Variants in ZNF775 observed in about 807,000 individuals in gnomAD.
ZNF775 encodes the protein zinc finger protein 775.
A neutral mutation model predicts 2.4 loss-of-function variants in ZNF775; 1 was observed. That is an observed-to-expected ratio of 0.41 (90% confidence interval 0.15 to 1.94). ZNF775 has a LOEUF of 1.94. Ranked by LOEUF, ZNF775 falls within the 30% of genes most tolerant of loss-of-function variation. The pLI is 0.30. For synonymous variants in ZNF775, 381 were observed against 373.3 expected, an observed-to-expected ratio of 1.02 and a Z score of -0.24; for missense variants, 823 against 826.6, an observed-to-expected ratio of 1.00 and a Z score of 0.05.
At chr7:150,386,561 C>G (rs1355178580) in intron 1 of ZNF775, among the ~76,000 whole-genome samples, 1 of 152,060 alleles carries the variant, frequency 6.6e-6, no homozygotes, top group East Asian at 1.9e-4. Context: ...GGCTCTCGGG[C>G]CCTGGGGTGG....
In ZNF775 at chr7:150,382,909, C is replaced by T. The variant is rs1269335806; in HGVS notation, c.-50+3517C>T. On this transcript the variant is annotated intron_variant, in intron 1 of 2. Transcript: ENST00000329630. The surrounding 1 kb of genome is among the most constrained non-coding windows in gnomAD (Gnocchi z 4.6). ...GGATGGCCATGGGTGTACAAGGATA[C>T]TTGTGTCATGGGTGGCTTTGCAGTT... 6.6e-6 allele frequency: 1 copy of T among 152,470 alleles called. No individual in the cohort carries two copies. Among genetic ancestry groups the T allele is most frequent in the East Asian group, 1.9e-4 (1 of 5,200 alleles). 9.4% of individuals were successfully genotyped at this position (152,470 alleles called of 1,614,324 possible).
rs1585082712 is a variant in ZNF775 at position 150,381,784 on chromosome 7, C to T, written c.-50+2392C>T. On this transcript the variant is annotated intron_variant, in intron 1 of 2. Transcript: ENST00000329630. ...GACAGTGGCCCGCCCTTTCCCTTGG[C>T]TCCCCTCCTCTGTTCCCTCCCCAGA... Among the ~76,000 whole-genome samples the T allele has an allele frequency of 3.3e-5, 5 of 152,248 alleles. 1 individual carries two copies. In the South Asian group the frequency reaches 1.0e-3, roughly 32 times the overall value.
chr7:150,397,984 C>T lies in ZNF775; in HGVS notation c.1503C>T (p.Pro501=). ...RHRRNHTGER[P]YLCPACGRGF... is the part of the protein sequence containing the mutation. The stretch of plus-strand genomic sequence containing the variant: ...GGCGCAACCACACAGGCGAGCGGCC[C>T]TACCTGTGTCCCGCCTGCGGCCGCG... The change falls in exon 3 of 3, where the codon CCC becomes CCT. Residue 501 remains proline (P), a synonymous_variant. Coordinates refer to ENST00000329630, the MANE Select transcript of ZNF775 (RefSeq NM_173680.4). 2 of 1,596,662 alleles carry T rather than the reference C, an allele frequency of 1.3e-6. No individual in the cohort carries two copies. Among genetic ancestry groups the T allele is most frequent in the East Asian group, 4.5e-5 (2 of 44,540 alleles).
chr7:150,397,253 G>A lies in ZNF775; in HGVS notation c.772G>A (p.Gly258Ser), dbSNP rs1302288974. 7.5e-7 allele frequency: 1 copy of A among 1,337,254 alleles called. No individual in the cohort carries two copies. Among genetic ancestry groups the A allele is most frequent in the Non-Finnish European group, 9.6e-7 (1 of 1,043,590 alleles). 82.8% of individuals were successfully genotyped at this position (1,337,254 alleles called of 1,614,324 possible). A position where few individuals can be genotyped will look rare whatever the true frequency, so the allele number is the denominator to read the frequency against. ...GTGGGCCTGGCTGGGGCTCTGCCAG[G>A]GCTGGTGGGGCCAGCCCGGGGCCCG... is the stretch of plus-strand genomic sequence containing the variant. Reference protein sequence around the residue: ...PEWAWLGLCQGWWGQPGARAA... With the variant: ...PEWAWLGLCQSWWGQPGARAA... Residue 258 changes from glycine to serine, a missense_variant, in exon 3 of 3, where the codon GGC becomes AGC. Coordinates refer to ENST00000329630, the MANE Select transcript of ZNF775 (RefSeq NM_173680.4).
intron 1 of ZNF775, among the ~76,000 whole-genome samples, chr7:150,381,016 A>G (rs1284184713): frequency 1.3e-5 from 2 of 152,144 alleles, no homozygotes; most frequent in Admixed American, 1.3e-4. Flanking sequence ...AAACGTGTTT[A>G]TTAATTAAAA....
In ZNF775 at chr7:150,398,340, C is replaced by A; in HGVS notation, c.*245C>A. 1 of 616,062 alleles carries A rather than the reference C, an allele frequency of 1.6e-6. No individual in the cohort carries two copies. 38.2% of individuals were successfully genotyped at this position (616,062 alleles called of 1,614,324 possible). ...TCACCGCGGGCCGGGATGTGACCAC[C>A]CTCTTCAGAGGTTGGACCCCAGGCT... is the stretch of plus-strand genomic sequence containing the variant. On this transcript the variant is annotated 3_prime_UTR_variant, in exon 3 of 3. Transcript: ENST00000329630.
At chr7:150,392,841 T>C (rs1800582698) in intron 2 of ZNF775, among the ~76,000 whole-genome samples, 1 of 152,226 alleles carries the variant, frequency 6.6e-6, no homozygotes, top group South Asian at 2.1e-4. Flanking sequence ...ACCTAGACTT[T>C]ATCTTTTAGA....
intron 2 of ZNF775, among the ~76,000 whole-genome samples, chr7:150,390,952 C>T (rs190950877): frequency 3.4e-3 from 512 of 152,310 alleles, no homozygotes; most frequent in Middle Eastern, 0.01. Context: ...GTAGTGTCCA[C>T]GCATATTGTA....
chr7:150,389,659 T>C lies in ZNF775; in HGVS notation c.31+1158T>C, dbSNP rs145661972. On this transcript the variant is annotated intron_variant, in intron 2 of 2. Transcript: ENST00000329630. ...TGATGTGAGCTGTGGTCTGCTGGGG[T>C]CCTCTCTCCTCTCTACGGCAGCTTC... Among the ~76,000 whole-genome samples, 595 of 152,244 alleles carry C rather than the reference T, an allele frequency of 3.9e-3. 5 individuals are homozygous for C. Among genetic ancestry groups the C allele is most frequent in the African/African-American group, 0.013 (560 of 41,530 alleles).
In ZNF775 at chr7:150,388,360, ACCCTGAGTTTTGTCCTTGT is replaced by A; in HGVS notation, c.-49-58_-49-40del. 4 of 1,320,390 alleles carry A rather than the reference ACCCTGAGTTTTGTCCTTGT, an allele frequency of 3.0e-6. No individual in the cohort carries two copies. In the South Asian group the frequency reaches 5.2e-5, roughly 17 times the overall value. 81.8% of individuals were successfully genotyped at this position (1,320,390 alleles called of 1,614,324 possible). A position where few individuals can be genotyped will look rare whatever the true frequency, so the allele number is the denominator to read the frequency against. ...TTATGGGATGGGAGGGGGGCTGGGG[ACCCTGAGTTTTGTCCTTGT>A]CCCACAGGCCCATTCTCTTTCTTCT... On this transcript the variant is annotated intron_variant, in intron 1 of 2. Coordinates refer to ENST00000329630, the MANE Select transcript of ZNF775 (RefSeq NM_173680.4).
At chr7:150,380,788 G>A (rs979625527) in intron 1 of ZNF775, among the ~76,000 whole-genome samples, 1 of 152,194 alleles carries the variant, frequency 6.6e-6, no homozygotes, top group Admixed American at 6.5e-5. Flanking sequence ...CACACGTTTC[G>A]TGTGGTCTGA....
In ZNF775 at chr7:150,382,673, C is replaced by A. The variant is rs1472149620; in HGVS notation, c.-50+3281C>A. 1 of 152,240 alleles carries A rather than the reference C, an allele frequency of 6.6e-6. No homozygotes were observed. The highest frequency in any genetic ancestry group is 1.5e-5 in the Non-Finnish European group (1 of 68,110). The allele number at this position is 152,240 out of a possible 1,614,324, so 9.4% of individuals were successfully genotyped here. On this transcript the variant is annotated intron_variant, in intron 1 of 2. Coordinates refer to ENST00000329630, the MANE Select transcript of ZNF775 (RefSeq NM_173680.4). This position sits in a 1 kb window ranked among gnomAD's most constrained non-coding sequence, Gnocchi z 4.6. ...CAGGCCCTGAGGATCTTAGGCTGCA[C>A]CAGGCTTGCCGGACACAGGCTCATT...
At chr7:150,386,571 G>T (rs1390208582) in intron 1 of ZNF775, among the ~76,000 whole-genome samples, 2 of 152,092 alleles carry the variant, frequency 1.3e-5, no homozygotes, top group African/African-American at 4.8e-5. Flanking sequence ...CCCTGGGGTG[G>T]GTGTTTCTGT....
At position 150,396,858 on chromosome 7, in the gene ZNF775, A is replaced by T; in HGVS notation, c.377A>T (p.Gln126Leu). ...TGGTGGTCGTCCCTGAAGATCCACC[A>T]GCGCACCCACACCGGGGAGAAGCCG... ...FSWWSSLKIH[Q>L]RTHTGEKPYL... is the part of the protein sequence containing the mutation. Residue 126 changes from glutamine to leucine, a missense_variant, in exon 3 of 3, where the codon CAG (glutamine) becomes CTG (leucine). Transcript: ENST00000329630. The T allele has an allele frequency of 6.2e-7, 1 of 1,602,848 alleles. No individual in the cohort carries two copies. The highest frequency in any genetic ancestry group is 2.2e-5 in the East Asian group (1 of 44,832).
chr7:150,397,519 C>A lies in ZNF775; in HGVS notation c.1038C>A (p.Phe346Leu). The A allele has an allele frequency of 6.4e-7, 1 of 1,564,592 alleles. No homozygotes were observed. Among genetic ancestry groups the A allele is most frequent in the Non-Finnish European group, 8.6e-7 (1 of 1,162,510 alleles). The part of the protein sequence containing the change: ...PHPCPHCGRG[F>L]RQKQHLLKHL... ...CCTGCCCGCACTGTGGCCGCGGCTT[C>A]CGCCAGAAGCAGCACCTGCTCAAGC... The change falls in exon 3 of 3, where the codon TTC becomes TTA. Residue 346 changes from phenylalanine to leucine, a missense_variant. Coordinates refer to ENST00000329630, the MANE Select transcript of ZNF775 (RefSeq NM_173680.4).
At position 150,397,525 on chromosome 7, in the gene ZNF775, G is replaced by C. The variant is rs1324125517; in HGVS notation, c.1044G>C (p.Gln348His). Residue 348 changes from glutamine (Q) to histidine (H), a missense_variant, in exon 3 of 3, where the codon CAG (glutamine) becomes CAC (histidine). Physicochemically the swap from Gln to His is conservative, Grantham distance 24. Transcript: ENST00000329630. Reference protein sequence around the residue: ...PCPHCGRGFRQKQHLLKHLRT... With the variant: ...PCPHCGRGFRHKQHLLKHLRT... Reference sequence around the variant, plus strand: ...CGCACTGTGGCCGCGGCTTCCGCCAGAAGCAGCACCTGCTCAAGCACCTGC... The same window carrying C: ...CGCACTGTGGCCGCGGCTTCCGCCACAAGCAGCACCTGCTCAAGCACCTGC... The C allele has an allele frequency of 6.4e-7, 1 of 1,562,056 alleles. No individual in the cohort carries two copies. The highest frequency in any genetic ancestry group is 1.1e-5 in the South Asian group (1 of 87,418).
chr7:150,388,301 A>G, intron 1 of ZNF775, 121 bp from the exon 2 acceptor site: 1 of 691,320 alleles, frequency 1.4e-6, no homozygotes. Context: ...GAATGTGGCT[A>G]TGGATAGAAA....
At chr7:150,393,318 T>G (rs912421821) in intron 2 of ZNF775, among the ~76,000 whole-genome samples, 2 of 152,250 alleles carry the variant, frequency 1.3e-5, no homozygotes, top group Non-Finnish European at 2.9e-5. Context: ...AATAGCTTAC[T>G]TCTTTTTATT....
chr7:150,388,110 G>A (rs916393811), intron 1 of ZNF775, among the ~76,000 whole-genome samples: 3 of 152,172 alleles, frequency 2.0e-5, no homozygotes, highest in Admixed American at 6.5e-5. Context: ...GAGGGTGTGG[G>A]CTCTCGTGTG....
Sources: allele counts gnomAD v4.1 joint callset (sites outside exome capture counted in the v4.1 genomes callset), GRCh38; gene constraint gnomAD v4.1.1; non-coding constraint Gnocchi (gnomAD v3.1); transcripts MANE v1.5; gene names NCBI Gene and HGNC (gene_info 2026-07-23, HGNC 2026-07-21).